BAIAP2: variants seen among roughly 807,000 people sequenced by gnomAD.
BAIAP2 encodes the protein BAR/IMD domain containing adaptor protein 2.
Under a neutral mutation model 63.0 loss-of-function variants are expected in BAIAP2, and 18 were observed. The observed-to-expected ratio is 0.29, with a 90% CI of 0.20 to 0.42. The LOEUF (loss-of-function observed/expected upper bound fraction) is 0.42. BAIAP2 is among the 10% of genes least tolerant of loss of function. The pLI is 1.00. For missense variants in BAIAP2, 610 were observed against 734.3 expected, an observed-to-expected ratio of 0.83 and a Z score of 1.96; for synonymous variants, 386 against 307.6, an observed-to-expected ratio of 1.25 and a Z score of -2.67.
intron 13 of BAIAP2, chr17:81,109,293 C>T: frequency 8.1e-7 from 1 of 1,237,318 alleles, no homozygotes; most frequent in South Asian, 3.3e-5. Flanking sequence ...CGGCCTCACC[C>T]TGCAGTGTCT....
intron 3 of BAIAP2, among the ~76,000 whole-genome samples, chr17:81,071,165 GAGA>G (rs773163883): frequency 1.1e-4 from 16 of 152,010 alleles, no homozygotes; most frequent in Non-Finnish European, 1.9e-4. Flanking sequence ...TTGTAGGTGG[GAGA>G]AGAACTCTGC....
intron 1 of BAIAP2, among the ~76,000 whole-genome samples, chr17:81,047,387 G>GGT (rs2047968139): frequency 6.6e-6 from 1 of 152,186 alleles, no homozygotes; most frequent in Non-Finnish European, 1.5e-5. Context: ...AGGGTCTAAG[G>GGT]CAGCCGGAGA....
At chr17:81,039,501 G>A (rs2046794214) in intron 1 of BAIAP2, among the ~76,000 whole-genome samples, 1 of 152,234 alleles carries the variant, frequency 6.6e-6, no homozygotes, top group African/African-American at 2.4e-5. Flanking sequence ...TGGGCTGCTT[G>A]GGGGAGAGTG....
chr17:81,045,255 C>G (rs765203802), intron 1 of BAIAP2, among the ~76,000 whole-genome samples: 2 of 152,170 alleles, frequency 1.3e-5, no homozygotes, highest in Non-Finnish European at 2.9e-5. Context: ...TGTCCAAGGC[C>G]CATGGAAAGG....
At chr17:81,106,948 G>C (rs1462578235) in intron 12 of BAIAP2, 41 bp downstream of exon 12, 2 of 1,469,562 alleles carry the variant, frequency 1.4e-6, no homozygotes, top group Admixed American at 5.1e-5. Flanking sequence ...CCCGCAGGTG[G>C]AACAGTGGGC....
At chr17:81,035,472 TGG>T in intron 1 of BAIAP2, among the ~76,000 whole-genome samples, 164 bp downstream of exon 1, 1 of 147,924 alleles carries the variant, frequency 6.8e-6, no homozygotes, top group Non-Finnish European at 1.5e-5. Context: ...CCCGGGCTGC[TGG>T]GGTGGTGAGC....
chr17:81,073,759 G>C (rs1022399230), intron 3 of BAIAP2, among the ~76,000 whole-genome samples: 2 of 152,172 alleles, frequency 1.3e-5, no homozygotes, highest in Non-Finnish European at 2.9e-5. Context: ...AGTAAAAAAA[G>C]GCACAAATCT....
At chr17:81,113,958 CTTTTTTTTTTTTTTT>C (rs58758919) in intron 13 of BAIAP2, among the ~76,000 whole-genome samples, 2 of 83,170 alleles carry the variant, frequency 2.4e-5, no homozygotes, top group African/African-American at 4.8e-5. Context: ...TGGGAACCCA[CTTTTTTTTTTTTTTT>C]TTTTTTTTTG....
At position 81,043,016 on chromosome 17, in the gene BAIAP2, C is replaced by T. The variant is rs1448305837; in HGVS notation, c.54+7708C>T. Among the ~76,000 whole-genome samples the T allele has an allele frequency of 3.9e-5, 6 of 152,166 alleles. No individual in the cohort carries two copies. The East Asian group carries it at 5.8e-4, about 15-fold the overall frequency. On this transcript the variant is annotated intron_variant, in intron 1 of 13. Coordinates refer to ENST00000428708, the MANE Select transcript of BAIAP2 (RefSeq NM_001144888.2). ...CCAAGAAGCTGGGATTACAGGTGTG[C>T]GCCACCACACTGGCTAATTTTAGTA...
intron 1 of BAIAP2, chr17:81,037,016 T>TA: frequency 6.9e-7 from 1 of 1,446,636 alleles, no homozygotes; most frequent in Non-Finnish European, 9.4e-7. Flanking sequence ...TCGTCCTTAA[T>TA]AAAACTCTCC....
At chr17:81,035,985 G>A (rs2046197538) in intron 1 of BAIAP2, 1 of 152,250 alleles carries the variant, frequency 6.6e-6, no homozygotes, top group Admixed American at 6.5e-5. Context: ...TAATTGTGTA[G>A]GAGGCTGACG....
At chr17:81,069,498 C>T (rs2052165650) in intron 3 of BAIAP2, among the ~76,000 whole-genome samples, 1 of 152,254 alleles carries the variant, frequency 6.6e-6, no homozygotes, top group South Asian at 2.1e-4. Context: ...CTCGGCGGCC[C>T]CCGCTCATGC....
In BAIAP2 at chr17:81,066,249, C is replaced by T. The variant is rs183315186; in HGVS notation, c.217+8282C>T. On this transcript the variant is annotated intron_variant, in intron 3 of 13. Coordinates refer to ENST00000428708, the MANE Select transcript of BAIAP2 (RefSeq NM_001144888.2). ...TACCTGCTGGGCGCACTGGGCCTGT[C>T]CTCTGCCAGCTGCCCGGCATCCCCA... is the stretch of plus-strand genomic sequence containing the variant. Among the ~76,000 whole-genome samples, 458 of 152,350 alleles carry T rather than the reference C, an allele frequency of 3.0e-3. 4 individuals are homozygous for T. Among genetic ancestry groups the T allele is most frequent in the African/African-American group, 0.011 (441 of 41,578 alleles).
intron 12 of BAIAP2, chr17:81,107,582 G>A (rs2059335478): frequency 1.3e-5 from 2 of 152,386 alleles, no homozygotes; most frequent in Admixed American, 1.3e-4. Context: ...TTGGAGAGTT[G>A]GAGACCCCTG....
chr17:81,061,438 C>A (rs2050536194), intron 3 of BAIAP2, among the ~76,000 whole-genome samples: 1 of 152,198 alleles, frequency 6.6e-6, no homozygotes, highest in South Asian at 2.1e-4. Context: ...GCCCTCCCTC[C>A]CCATCTCCAG....
rs190239906 is a variant in BAIAP2, at chr17:81,090,534, C to T, written c.489+3954C>T. ...CTTGGTGCCAAGCACAAGCTGGTCA[C>T]GCAGCAGATAGCTAGTAAGTGCTAA... is the stretch of plus-strand genomic sequence containing the variant. On this transcript the variant is annotated intron_variant, in intron 6 of 13. Coordinates refer to ENST00000428708, the MANE Select transcript of BAIAP2 (RefSeq NM_001144888.2). Among the ~76,000 whole-genome samples the T allele has an allele frequency of 3.5e-3, 526 of 152,354 alleles. 9 individuals are homozygous for T. The South Asian group carries it at 0.039, about 11-fold the overall frequency.
chr17:81,098,493 C>T (rs1241604047), intron 6 of BAIAP2, among the ~76,000 whole-genome samples: 1 of 152,182 alleles, frequency 6.6e-6, no homozygotes, highest in East Asian at 1.9e-4. Context: ...TTTAAGTGCA[C>T]AGTTCAGCGG....
At chr17:81,068,448 C>A (rs1481034679) in intron 3 of BAIAP2, among the ~76,000 whole-genome samples, 1 of 152,236 alleles carries the variant, frequency 6.6e-6, no homozygotes, top group Non-Finnish European at 1.5e-5. Context: ...CTGGTCAGTG[C>A]CATCCGGGTC....
At chr17:81,108,402 G>A (rs1465607774) in intron 12 of BAIAP2, 73 bp from the exon 13 acceptor site, 3 of 1,524,934 alleles carry the variant, frequency 2.0e-6, no homozygotes, top group Non-Finnish European at 1.8e-6. Flanking sequence ...ATTTGTGGGT[G>A]TGTACAGGCA....
Sources: allele counts gnomAD v4.1 joint callset (sites outside exome capture counted in the v4.1 genomes callset), GRCh38; gene constraint gnomAD v4.1.1; transcripts MANE v1.5; gene names NCBI Gene and HGNC (gene_info 2026-07-23, HGNC 2026-07-21).